The following WWC2 variants were observed in gnomAD, a reference collection of about 807,000 sequenced individuals.
WWC2 encodes WW and C2 domain containing 2, also known as protein WWC2.
Under a neutral mutation model 138.5 loss-of-function variants are expected in WWC2, and 101 were observed. The observed-to-expected ratio is 0.73, with a 90% CI of 0.62 to 0.86. WWC2 has a LOEUF of 0.86. WWC2 is among the 40% of genes least tolerant of loss of function. The pLI is 0.00. For synonymous variants in WWC2, 558 were observed against 538.4 expected, an observed-to-expected ratio of 1.04 and a Z score of -0.50; for missense variants, 1,420 against 1,419.4, an observed-to-expected ratio of 1.00 and a Z score of -0.01.
chr4:183,160,014 A>G (rs1579998794), intron 1 of WWC2, among the ~76,000 whole-genome samples: 1 of 152,160 alleles, frequency 6.6e-6, no homozygotes, highest in East Asian at 1.9e-4. Context: ...GTCAGTTATG[A>G]TGGTTTACTT....
chr4:183,199,035 G>A (rs773775897), intron 2 of WWC2, among the ~76,000 whole-genome samples: 3 of 152,124 alleles, frequency 2.0e-5, no homozygotes, highest in Admixed American at 1.3e-4. Context: ...TCTAAAGAGT[G>A]TAGCCACATC....
intron 1 of WWC2, among the ~76,000 whole-genome samples, chr4:183,119,277 A>C (rs2152889647): frequency 6.6e-6 from 1 of 152,316 alleles, no homozygotes. Context: ...GGACTACAGA[A>C]GTTACTTCTC....
chr4:183,249,946 A>G lies in WWC2; in HGVS notation c.906A>G (p.Leu302=), dbSNP rs1336149414. ...GDIGVRSRSN[L]AEKVRLSLQY... ...TTGGAGTAAGAAGTAGATCAAATTT[A>G]GCTGAAAAGGTCAGGCTAAGCCTAC... The change falls in exon 8 of 23, where the codon TTA becomes TTG. Residue 302 remains leucine (L), a synonymous_variant. Coordinates refer to ENST00000403733, the MANE Select transcript of WWC2 (RefSeq NM_024949.6). 2 of 1,613,800 alleles carry G rather than the reference A, an allele frequency of 1.2e-6. No homozygotes were observed. Among genetic ancestry groups the G allele is most frequent in the African/African-American group, 1.3e-5 (1 of 75,044 alleles).
intron 1 of WWC2, among the ~76,000 whole-genome samples, chr4:183,169,725 TAAAG>T (rs1361719243): frequency 2.6e-5 from 4 of 152,162 alleles, no homozygotes; most frequent in African/African-American, 9.7e-5. Context: ...GTATATATGT[TAAAG>T]GAAGCAAGTA....
intron 1 of WWC2, among the ~76,000 whole-genome samples, chr4:183,129,287 G>A (rs973147540): frequency 1.3e-5 from 2 of 152,104 alleles, no homozygotes; most frequent in African/African-American, 2.4e-5. Context: ...TGGGGGAGGG[G>A]TATCTCTTAT....
rs1168773827 is a variant in WWC2 at position 183,314,505 on chromosome 4, G to C, written c.3513-1158G>C. On this transcript the variant is annotated intron_variant, in intron 22 of 22. Transcript: ENST00000403733. The stretch of plus-strand genomic sequence containing the variant: ...GGATTTGCACGGCTACCGTTGCCTG[G>C]CCTGGGGTGGTGAGATCAGGCAGCG... 3.9e-5 allele frequency among the ~76,000 whole-genome samples: 6 copies of C among 152,320 alleles called. No individual in the cohort carries two copies. In the East Asian group the frequency reaches 1.2e-3, roughly 29 times the overall value.
At chr4:183,159,759 A>C (rs1271740233) in intron 1 of WWC2, among the ~76,000 whole-genome samples, 1 of 149,208 alleles carries the variant, frequency 6.7e-6, no homozygotes, top group Non-Finnish European at 1.5e-5. Context: ...CAATACATTA[A>C]TTTTGTGGAG....
intron 18 of WWC2, among the ~76,000 whole-genome samples, chr4:183,283,664 G>A (rs1738153712): frequency 6.6e-6 from 1 of 151,968 alleles, no homozygotes; most frequent in South Asian, 2.1e-4. Context: ...TTTTTACTTA[G>A]GTTTTATTTT....
intron 1 of WWC2, among the ~76,000 whole-genome samples, chr4:183,173,186 A>G (rs978602018): frequency 2.0e-5 from 3 of 152,034 alleles, no homozygotes; most frequent in African/African-American, 7.2e-5. Context: ...CTGGGACCAC[A>G]AGCATGTGCT....
intron 2 of WWC2, among the ~76,000 whole-genome samples, chr4:183,202,548 T>G (rs574840171): frequency 3.3e-4 from 51 of 152,340 alleles, no homozygotes; most frequent in African/African-American, 1.2e-3. Context: ...ACATCTTGTA[T>G]AAATACATAT....
chr4:183,122,910 A>G (rs76712685), intron 1 of WWC2, among the ~76,000 whole-genome samples: 1,741 of 152,326 alleles, frequency 0.011, 36 homozygotes, highest in African/African-American at 0.04. Context: ...ATCAATGAAT[A>G]TATGGAAAGA....
chr4:183,298,922 A>G (rs748991901), intron 21 of WWC2, among the ~76,000 whole-genome samples: 1 of 152,182 alleles, frequency 6.6e-6, no homozygotes, highest in Non-Finnish European at 1.5e-5. Context: ...GAAGTTTTTC[A>G]TATCAGGATA....
intron 4 of WWC2, among the ~76,000 whole-genome samples, chr4:183,226,097 T>TTC (rs1249472826): frequency 8.2e-5 from 11 of 134,932 alleles, no homozygotes; most frequent in Non-Finnish European, 1.7e-4. Flanking sequence ...TTTCTTTTCT[T>TTC]TTTTTTTTTT....
chr4:183,116,793 A>T (rs1732426474), intron 1 of WWC2, among the ~76,000 whole-genome samples: 1 of 152,178 alleles, frequency 6.6e-6, no homozygotes, highest in African/African-American at 2.4e-5. Context: ...AGAATTTATT[A>T]TTTTCTCAAA....
chr4:183,301,028 C>T (rs1299370277), intron 21 of WWC2, among the ~76,000 whole-genome samples: 2 of 152,176 alleles, frequency 1.3e-5, no homozygotes, highest in Non-Finnish European at 2.9e-5. Context: ...ATTTCCTTCC[C>T]TGACTTTTCG....
intron 21 of WWC2, among the ~76,000 whole-genome samples, chr4:183,293,910 G>A (rs183942137): frequency 2.7e-4 from 41 of 152,152 alleles, no homozygotes; most frequent in African/African-American, 9.4e-4. Flanking sequence ...TAGAAGAAAT[G>A]TAAAAGCAAA....
intron 1 of WWC2, among the ~76,000 whole-genome samples, chr4:183,155,193 A>AGG (rs1270517748): frequency 2.5e-5 from 1 of 39,242 alleles, no homozygotes; most frequent in Non-Finnish European, 7.1e-5. Flanking sequence ...TTCTGAGGAG[A>AGG]GAGAGAGAGA....
intron 1 of WWC2, among the ~76,000 whole-genome samples, chr4:183,171,043 A>T (rs1734263822): frequency 1.3e-5 from 2 of 152,208 alleles, no homozygotes; most frequent in African/African-American, 4.8e-5. Flanking sequence ...GACATCCATT[A>T]TTTCAGATGC....
chr4:183,125,208 G>A (rs1016836902), intron 1 of WWC2, among the ~76,000 whole-genome samples: 2 of 152,096 alleles, frequency 1.3e-5, no homozygotes, highest in Non-Finnish European at 2.9e-5. Context: ...GTCCATCCTC[G>A]ATTTTTACAG....
Sources: gnomAD v4.1 joint callset for allele counts (sites outside exome capture counted in the v4.1 genomes callset) on GRCh38, gnomAD v4.1.1 for gene constraint, MANE v1.5 for transcripts, NCBI Gene and HGNC (gene_info 2026-07-23, HGNC 2026-07-21) for gene names.